Variants in GABPB1 observed in about 807,000 individuals in gnomAD.
GABPB1 encodes the protein GA binding protein transcription factor subunit beta 1.
Under a neutral mutation model 45.9 loss-of-function variants are expected in GABPB1, and 15 were observed. The observed-to-expected ratio is 0.33, with a 90% CI of 0.22 to 0.50. The LOEUF (loss-of-function observed/expected upper bound fraction) is 0.50. Among genes scored for constraint, GABPB1 ranks in the 20% least tolerant of loss-of-function variants. The pLI, the probability that GABPB1 is intolerant of heterozygous loss-of-function variation, is 0.98. For synonymous variants in GABPB1, 143 were observed against 154.4 expected (o/e 0.93, Z 0.55); for missense variants, 252 against 457.5 (o/e 0.55, Z 4.10).
Position 50,275,576 on chromosome 15 carries a change from T to C in GABPB1, c.*3056A>G, listed in dbSNP as rs2045829471. 6.6e-6 allele frequency: 1 copy of C among 152,198 alleles called. No homozygotes were observed. The highest frequency in any genetic ancestry group is 1.5e-5 in the Non-Finnish European group (1 of 68,042). 9.4% of individuals were successfully genotyped at this position (152,198 alleles called of 1,614,324 possible). A position where few individuals can be genotyped will look rare whatever the true frequency, so the allele number is the denominator to read the frequency against. On this transcript the variant is annotated 3_prime_UTR_variant, in exon 9 of 9. Coordinates refer to ENST00000380877, the MANE Select transcript of GABPB1 (RefSeq NM_016654.5). ...CATCATAAATTGGGGACCATCTGTG[T>C]AGCTTTCATTACATGAGATTTCCCA...
At chr15:50,292,418 T>G (rs2046380742) in intron 6 of GABPB1, among the ~76,000 whole-genome samples, 1 of 152,144 alleles carries the variant, frequency 6.6e-6, no homozygotes, top group Admixed American at 6.5e-5. Context: ...GATAAAATCT[T>G]TTGGGGAAAC....
chr15:50,305,299 G>A (rs1204071748), intron 2 of GABPB1, among the ~76,000 whole-genome samples: 2 of 147,980 alleles, frequency 1.4e-5, no homozygotes, highest in Non-Finnish European at 3.0e-5. Context: ...TCTATCTATA[G>A]ATAGAGAGAT....
At chr15:50,283,152 G>C (rs564626131) in intron 8 of GABPB1, among the ~76,000 whole-genome samples, 113 of 152,202 alleles carry the variant, frequency 7.4e-4, no homozygotes, top group Non-Finnish European at 9.3e-4. Context: ...GTAAGTAATA[G>C]AAATCTGTTA....
chr15:50,354,768 G>C (rs2049028807), intron 1 of GABPB1: 1 of 250,734 alleles, frequency 4.0e-6, no homozygotes, highest in Admixed American at 6.4e-5. Flanking sequence ...GTGCCCAGCG[G>C]ACAAAGCGCA....
chr15:50,311,695 C>T (rs1212681511), intron 1 of GABPB1, among the ~76,000 whole-genome samples: 2 of 152,112 alleles, frequency 1.3e-5, no homozygotes, highest in Non-Finnish European at 2.9e-5. Flanking sequence ...ACTCAACTTG[C>T]ACTCAATAAG....
intron 1 of GABPB1, among the ~76,000 whole-genome samples, chr15:50,317,404 CA>C (rs1387965964): frequency 8.1e-4 from 53 of 65,158 alleles, no homozygotes; most frequent in East Asian, 8.9e-4. Flanking sequence ...AACTCCGTCT[CA>C]AAAAAAAAAA....
At chr15:50,282,596 A>T (rs968717225) in intron 8 of GABPB1, among the ~76,000 whole-genome samples, 2 of 150,686 alleles carry the variant, frequency 1.3e-5, no homozygotes, top group Non-Finnish European at 3.0e-5. Flanking sequence ...TGTGACTATA[A>T]ACATTTTTAA....
chr15:50,345,485 TGAGCC>T (rs2048531332), intron 1 of GABPB1, among the ~76,000 whole-genome samples: 1 of 152,210 alleles, frequency 6.6e-6, no homozygotes, highest in South Asian at 2.1e-4. Context: ...GAGGATCACC[TGAGCC>T]TGGGGAGGTC....
chr15:50,354,463 C>G (rs556424290), intron 1 of GABPB1: 155 of 446,752 alleles, frequency 3.5e-4, no homozygotes, highest in African/African-American at 3.1e-3. Context: ...ACCCGCCACC[C>G]TCGCCGCCCG....
chr15:50,278,872 A>G, intron 8 of GABPB1, 88 bp from the exon 9 acceptor site: 1 of 1,074,344 alleles, frequency 9.3e-7, no homozygotes, highest in Non-Finnish European at 1.3e-6. Flanking sequence ...ATTAAAAAAA[A>G]AAACCGTAGT....
chr15:50,287,817 C>T (rs78586974), intron 7 of GABPB1, among the ~76,000 whole-genome samples: 2,182 of 152,300 alleles, frequency 0.014, 51 homozygotes, highest in African/African-American at 0.05. Context: ...TTCAGACCAG[C>T]TATCAGCAGA....
chr15:50,287,166 AT>A (rs2046191279), intron 7 of GABPB1, among the ~76,000 whole-genome samples: 1 of 152,182 alleles, frequency 6.6e-6, no homozygotes. Flanking sequence ...TAAAGTCTAC[AT>A]AATTCACATG....
intron 8 of GABPB1, 79 bp downstream of exon 8, chr15:50,285,989 T>G: frequency 7.7e-6 from 12 of 1,564,928 alleles, no homozygotes; most frequent in Non-Finnish European, 1.0e-5. Context: ...ATACTGTCAG[T>G]AATAAATATA....
chr15:50,301,561 CT>C (rs2046748763), intron 4 of GABPB1, among the ~76,000 whole-genome samples, 193 bp from the exon 5 acceptor site: 1 of 152,182 alleles, frequency 6.6e-6, no homozygotes, highest in Admixed American at 6.5e-5. Context: ...CCAAGTCCCC[CT>C]CTTAGGTAAA....
At chr15:50,324,357 G>A (rs1370291782) in intron 1 of GABPB1, among the ~76,000 whole-genome samples, 1 of 152,012 alleles carries the variant, frequency 6.6e-6, no homozygotes, top group Non-Finnish European at 1.5e-5. Context: ...CCTACACACA[G>A]TCCTAGAGAG....
At chr15:50,302,229 T>C (rs150598121) in intron 4 of GABPB1, among the ~76,000 whole-genome samples, 26 of 152,316 alleles carry the variant, frequency 1.7e-4, no homozygotes, top group African/African-American at 6.3e-4. Context: ...TCAAACTGCA[T>C]CACTCACTCA....
chr15:50,341,330 C>T (rs968425792), intron 1 of GABPB1, among the ~76,000 whole-genome samples: 3 of 152,050 alleles, frequency 2.0e-5, no homozygotes, highest in South Asian at 2.1e-4. Context: ...GGTCGGAGTT[C>T]GAGACGAGCC....
At chr15:50,283,789 G>A (rs1356888144) in intron 8 of GABPB1, among the ~76,000 whole-genome samples, 3 of 152,208 alleles carry the variant, frequency 2.0e-5, no homozygotes, top group Admixed American at 6.5e-5. Flanking sequence ...TGGGATTACA[G>A]GTGTAGGCCA....
At chr15:50,334,014 G>A (rs2048032718) in intron 1 of GABPB1, among the ~76,000 whole-genome samples, 1 of 137,202 alleles carries the variant, frequency 7.3e-6, no homozygotes, top group Non-Finnish European at 1.6e-5. Context: ...TGGGCAACAA[G>A]AGTGAAACTC....
Sources: gnomAD v4.1 joint callset for allele counts (sites outside exome capture counted in the v4.1 genomes callset) on GRCh38, gnomAD v4.1.1 for gene constraint, MANE v1.5 for transcripts, NCBI Gene and HGNC (gene_info 2026-07-23, HGNC 2026-07-21) for gene names.